MYH10: variants seen among roughly 807,000 people sequenced by gnomAD.
MYH10 encodes myosin-10.
MYH10 carries 55 observed loss-of-function variants against 257.8 expected under a neutral mutation model. That is an observed-to-expected ratio of 0.21 (90% CI 0.17 to 0.27). The LOEUF is 0.27. Ranked by LOEUF, MYH10 falls within the 10% of genes least tolerant of loss-of-function variation. The pLI is 1.00. For missense variants in MYH10, 1,631 were observed against 2,500.6 expected (o/e 0.65, Z 7.42); for synonymous variants, 854 against 921.7 (o/e 0.93, Z 1.33).
At position 8,603,570 on chromosome 17, in the gene MYH10, G is replaced by C. The variant is rs184105972; in HGVS notation, c.502+1256C>G. Among the ~76,000 whole-genome samples, 878 of 152,242 alleles carry C rather than the reference G, an allele frequency of 5.8e-3. 10 individuals are homozygous for C. The highest frequency in any genetic ancestry group is 0.02 in the African/African-American group (814 of 41,546). On this transcript the variant is annotated intron_variant, in intron 3 of 42. Transcript: ENST00000360416. Reference sequence around the variant, plus strand: ...CAATATGGGCTTAATCAGAGAAAGAGAGCGCTTTCTTCTGTTTCTTCTCCC... The same window carrying C: ...CAATATGGGCTTAATCAGAGAAAGACAGCGCTTTCTTCTGTTTCTTCTCCC...
rs2080995846 is a variant in MYH10 at position 8,504,102 on chromosome 17, A to G, written c.3599+592T>C. On this transcript the variant is annotated intron_variant, in intron 28 of 42. Coordinates refer to ENST00000360416, the MANE Select transcript of MYH10 (RefSeq NM_001256012.3). This position sits in a 1 kb window ranked among gnomAD's most constrained non-coding sequence, Gnocchi z 5.6. ...GCCACACTGCAGCTTTCTACCCAGG[A>G]GCCTTCTCTGGCCATGTTCACCTAT... Among the ~76,000 whole-genome samples, 1 of 152,080 alleles carries G rather than the reference A, an allele frequency of 6.6e-6. No homozygotes were observed. Among genetic ancestry groups the G allele is most frequent in the Non-Finnish European group, 1.5e-5 (1 of 67,990 alleles).
At chr17:8,553,125 C>T (rs917449360) in intron 8 of MYH10, among the ~76,000 whole-genome samples, 1 of 152,212 alleles carries the variant, frequency 6.6e-6, no homozygotes, top group African/African-American at 2.4e-5. Context: ...ACATCCTCCA[C>T]GTCTGGTGAA....
At chr17:8,512,812 A>C (rs1392600425) in intron 23 of MYH10, among the ~76,000 whole-genome samples, 155 bp from the exon 24 acceptor site, 2 of 152,186 alleles carry the variant, frequency 1.3e-5, no homozygotes, top group African/African-American at 4.8e-5. Context: ...TTTTGTCTAT[A>C]GCAAAATAAG....
intron 6 of MYH10, among the ~76,000 whole-genome samples, chr17:8,571,512 G>T (rs946588159): frequency 8.5e-5 from 13 of 152,108 alleles, no homozygotes; most frequent in Admixed American, 8.5e-4. Flanking sequence ...GCCAGGCGCG[G>T]TGGCTTATGC....
intron 2 of MYH10, among the ~76,000 whole-genome samples, chr17:8,619,915 ACT>A (rs1459736946): frequency 6.6e-6 from 1 of 152,048 alleles, no homozygotes; most frequent in African/African-American, 2.4e-5. Flanking sequence ...ACAGAGCAAG[ACT>A]CTGTCCCAAA....
intron 1 of MYH10, among the ~76,000 whole-genome samples, chr17:8,628,227 G>A (rs1232833821): frequency 6.6e-6 from 1 of 152,168 alleles, no homozygotes; most frequent in African/African-American, 2.4e-5. Flanking sequence ...GGTTATTAGT[G>A]TCATTTTAAA....
chr17:8,484,705 A>G (rs1003843545), intron 36 of MYH10, among the ~76,000 whole-genome samples: 4 of 152,230 alleles, frequency 2.6e-5, no homozygotes, highest in African/African-American at 7.2e-5. Context: ...ATGTAACCAT[A>G]TGATCATCAC....
intron 3 of MYH10, among the ~76,000 whole-genome samples, chr17:8,603,778 G>A (rs189624125): frequency 6.6e-6 from 1 of 152,096 alleles, no homozygotes; most frequent in African/African-American, 2.4e-5. Flanking sequence ...AAATTGTATT[G>A]AACTCCAAAA....
intron 37 of MYH10, 145 bp from the exon 38 acceptor site, chr17:8,481,555 T>A: frequency 2.8e-6 from 2 of 725,822 alleles, no homozygotes; most frequent in Non-Finnish European, 4.5e-6. Flanking sequence ...GAAATTAAAC[T>A]GTCAAGAAAA....
intron 14 of MYH10, among the ~76,000 whole-genome samples, chr17:8,537,202 T>C (rs753668530): frequency 6.6e-6 from 1 of 152,204 alleles, no homozygotes; most frequent in Non-Finnish European, 1.5e-5. Flanking sequence ...AAGTGTGTGA[T>C]ACAAAACTGA....
intron 7 of MYH10, 154 bp from the exon 8 acceptor site, chr17:8,554,172 G>T: frequency 2.1e-6 from 1 of 473,068 alleles, no homozygotes; most frequent in East Asian, 3.5e-5. Context: ...AAGAAAACAG[G>T]CTGTGATACA....
At chr17:8,495,329 G>C (rs1056607970) in intron 30 of MYH10, 88 bp from the exon 31 acceptor site, 1 of 806,080 alleles carries the variant, frequency 1.2e-6, no homozygotes, top group Non-Finnish European at 2.1e-6. Flanking sequence ...ACACAGAGAA[G>C]AACTCGGCGG....
chr17:8,584,901 T>C (rs1298917074), intron 4 of MYH10, among the ~76,000 whole-genome samples: 1 of 152,162 alleles, frequency 6.6e-6, no homozygotes, highest in Non-Finnish European at 1.5e-5. Flanking sequence ...TGGAGTGCAA[T>C]GGCGCAATCT....
chr17:8,484,269 A>G lies in MYH10; in HGVS notation c.5047-3T>C. ...CGTTGGTAATCCTTCATCTGAGCCTAAGATTAAATAAGAAGGTTTTGGGGT... is the reference window on the plus strand; with the variant it reads ...CGTTGGTAATCCTTCATCTGAGCCTGAGATTAAATAAGAAGGTTTTGGGGT... On this transcript the variant is annotated splice_polypyrimidine_tract_variant and splice_region_variant and intron_variant, in intron 36 of 42. Coordinates refer to ENST00000360416, the MANE Select transcript of MYH10 (RefSeq NM_001256012.3). 1 of 1,598,982 alleles carries G rather than the reference A, an allele frequency of 6.3e-7. No homozygotes were observed. The highest frequency in any genetic ancestry group is 8.5e-7 in the Non-Finnish European group (1 of 1,176,126).
intron 30 of MYH10, among the ~76,000 whole-genome samples, chr17:8,496,673 TTG>T (rs1916684037): frequency 6.6e-6 from 1 of 152,210 alleles, no homozygotes; most frequent in South Asian, 2.1e-4. Flanking sequence ...GCTTTCCAGA[TTG>T]TGTGTGAGAG....
Position 8,474,539 on chromosome 17 carries a change from C to G in MYH10, c.*1265G>C, listed in dbSNP as rs1012251258. 1 of 152,636 alleles carries G rather than the reference C, an allele frequency of 6.6e-6. No homozygotes were observed. The highest frequency in any genetic ancestry group is 1.5e-5 in the Non-Finnish European group (1 of 68,038). The allele number at this position is 152,636 out of a possible 1,614,324, so 9.5% of individuals were successfully genotyped here. On this transcript the variant is annotated 3_prime_UTR_variant, in exon 43 of 43. Coordinates refer to ENST00000360416, the MANE Select transcript of MYH10 (RefSeq NM_001256012.3). Reference sequence around the variant, plus strand: ...CAAGGATTTAGAATTAACACTGATTCATTGTCACTGAATGTCTGTAATACC... The same window carrying G: ...CAAGGATTTAGAATTAACACTGATTGATTGTCACTGAATGTCTGTAATACC...
In MYH10 at chr17:8,495,390, A is replaced by T. The variant is rs558790427; in HGVS notation, c.3952-149T>A. On this transcript the variant is annotated intron_variant, in intron 30 of 42. Coordinates refer to ENST00000360416, the MANE Select transcript of MYH10 (RefSeq NM_001256012.3). ...CAGTTAAGGAAGACTCACCACCAAG[A>T]GTCTGTTGCCTTCAAACGGAGCTCA... The T allele has an allele frequency of 1.6e-4, 98 of 613,852 alleles. 2 individuals are homozygous for T. The South Asian group carries it at 1.6e-3, about 10-fold the overall frequency. The allele number at this position is 613,852 out of a possible 1,614,324, so 38.0% of individuals were successfully genotyped here. A position where few individuals can be genotyped will look rare whatever the true frequency, so the allele number is the denominator to read the frequency against.
At chr17:8,626,620 A>C (rs1211417079) in intron 1 of MYH10, among the ~76,000 whole-genome samples, 1 of 146,358 alleles carries the variant, frequency 6.8e-6, no homozygotes. Context: ...AGTAAAATAA[A>C]AAATTTAAAA....
intron 6 of MYH10, among the ~76,000 whole-genome samples, chr17:8,575,441 A>C (rs2083468413): frequency 6.6e-6 from 1 of 152,186 alleles, no homozygotes; most frequent in Non-Finnish European, 1.5e-5. Flanking sequence ...ATTGGCAAAG[A>C]AGCTTTTAAA....
Sources: allele counts gnomAD v4.1 joint callset (sites outside exome capture counted in the v4.1 genomes callset), GRCh38; gene constraint gnomAD v4.1.1; non-coding constraint Gnocchi (gnomAD v3.1); transcripts MANE v1.5; gene names NCBI Gene and HGNC (gene_info 2026-07-23, HGNC 2026-07-21).